GABRB1: variants seen among roughly 807,000 people sequenced by gnomAD.
GABRB1 encodes gamma-aminobutyric acid receptor subunit beta-1.
GABRB1 carries 17 observed loss-of-function variants against 51.6 expected under a neutral mutation model. The observed-to-expected ratio is 0.33, with a 90% CI of 0.23 to 0.49. The LOEUF is 0.49. Ranked by LOEUF, GABRB1 falls within the 20% of genes least tolerant of loss-of-function variation. GABRB1 has a pLI of 0.99. For synonymous variants in GABRB1, 247 were observed against 218.9 expected (o/e 1.13, Z -1.14); for missense variants, 410 against 600.6 (o/e 0.68, Z 3.32).
intron 4 of GABRB1, among the ~76,000 whole-genome samples, chr4:47,218,405 A>C (rs1720636972): frequency 6.6e-6 from 1 of 151,400 alleles, no homozygotes. Flanking sequence ...TTTTTGAGAA[A>C]CCTCCATAGT....
At chr4:47,113,067 C>A (rs1715300408) in intron 3 of GABRB1, among the ~76,000 whole-genome samples, 1 of 151,932 alleles carries the variant, frequency 6.6e-6, no homozygotes, top group African/African-American at 2.4e-5. Context: ...TTCCCTACCC[C>A]AAAAATGCTG....
chr4:47,293,715 C>A (rs1480623818), intron 4 of GABRB1, among the ~76,000 whole-genome samples: 1 of 151,988 alleles, frequency 6.6e-6, no homozygotes, highest in East Asian at 1.9e-4. Context: ...TTAGGATAAA[C>A]CTTTTTTATT....
intron 5 of GABRB1, among the ~76,000 whole-genome samples, chr4:47,350,350 C>T (rs1180355505): frequency 1.4e-5 from 2 of 147,962 alleles, no homozygotes; most frequent in Non-Finnish European, 3.0e-5. Context: ...TTTATGTGTA[C>T]AATTTTAATA....
intron 4 of GABRB1, among the ~76,000 whole-genome samples, chr4:47,223,904 A>C (rs1239675347): frequency 1.3e-5 from 2 of 152,132 alleles, no homozygotes; most frequent in African/African-American, 4.8e-5. Context: ...AACCATGAGA[A>C]GTTTCTCATA....
intron 4 of GABRB1, among the ~76,000 whole-genome samples, chr4:47,291,348 C>G (rs1218675998): frequency 1.3e-5 from 2 of 152,200 alleles, no homozygotes; most frequent in Non-Finnish European, 2.9e-5. Context: ...CCTGGATGCC[C>G]AGGCAGAAGT....
At chr4:47,409,987 T>G (rs185094579) in intron 8 of GABRB1, among the ~76,000 whole-genome samples, 2 of 152,350 alleles carry the variant, frequency 1.3e-5, no homozygotes, top group Admixed American at 6.5e-5. Context: ...CCCATTTGAC[T>G]GACCTTTATT....
chr4:47,019,118 C>T (rs1198754606), intron 1 of GABRB1, among the ~76,000 whole-genome samples: 1 of 152,184 alleles, frequency 6.6e-6, no homozygotes, highest in African/African-American at 2.4e-5. Context: ...CACTAAGCAA[C>T]CGCATTGAAA....
At chr4:47,390,680 G>A (rs1354141776) in intron 5 of GABRB1, among the ~76,000 whole-genome samples, 1 of 152,186 alleles carries the variant, frequency 6.6e-6, no homozygotes, top group Non-Finnish European at 1.5e-5. Flanking sequence ...GTTCAGCTCT[G>A]AGATACTGTG....
At chr4:47,008,629 ATTTTTT>A (rs71193894) in intron 1 of GABRB1, among the ~76,000 whole-genome samples, 15 of 117,488 alleles carry the variant, frequency 1.3e-4, no homozygotes, top group African/African-American at 2.0e-4. Context: ...CACCCAGCTA[ATTTTTT>A]TTTTTTTTTT....
intron 4 of GABRB1, among the ~76,000 whole-genome samples, chr4:47,233,534 A>T (rs993461544): frequency 6.6e-6 from 1 of 152,140 alleles, no homozygotes; most frequent in African/African-American, 2.4e-5. Flanking sequence ...CATTACATAT[A>T]TGATTCTCAA....
chr4:47,357,375 T>A (rs1726624486), intron 5 of GABRB1, among the ~76,000 whole-genome samples: 1 of 152,182 alleles, frequency 6.6e-6, no homozygotes. Flanking sequence ...GATGTCAACA[T>A]CCATCTACAT....
chr4:47,169,094 T>C (rs947594388), intron 4 of GABRB1, among the ~76,000 whole-genome samples: 2 of 152,080 alleles, frequency 1.3e-5, no homozygotes, highest in Admixed American at 1.3e-4. Context: ...GTCACGGAGG[T>C]TTAGGACTTC....
chr4:47,139,937 T>C (rs114159048), intron 3 of GABRB1, among the ~76,000 whole-genome samples: 174 of 152,026 alleles, frequency 1.1e-3, no homozygotes, highest in African/African-American at 4.1e-3. Context: ...AAAGTACATA[T>C]AATTTAAAAG....
chr4:47,268,530 T>C (rs1722728765), intron 4 of GABRB1, among the ~76,000 whole-genome samples: 1 of 152,162 alleles, frequency 6.6e-6, no homozygotes, highest in South Asian at 2.1e-4. Context: ...AATAATTCAT[T>C]TGTAGAAGGT....
At chr4:47,120,259 C>G (rs1312812125) in intron 3 of GABRB1, among the ~76,000 whole-genome samples, 1 of 152,086 alleles carries the variant, frequency 6.6e-6, no homozygotes, top group Non-Finnish European at 1.5e-5. Context: ...ATTATTAGAG[C>G]TAAAGAGAGA....
intron 4 of GABRB1, among the ~76,000 whole-genome samples, chr4:47,273,790 T>A (rs1456767465): frequency 6.6e-6 from 1 of 151,744 alleles, no homozygotes; most frequent in South Asian, 2.1e-4. Context: ...ATCTGTCAGT[T>A]ATTATTTTAT....
chr4:47,142,613 C>T (rs886844676), intron 3 of GABRB1, among the ~76,000 whole-genome samples: 1 of 151,826 alleles, frequency 6.6e-6, no homozygotes, highest in African/African-American at 2.4e-5. Context: ...GAATTGAAGG[C>T]AGACAAATTA....
intron 4 of GABRB1, among the ~76,000 whole-genome samples, chr4:47,270,942 T>A (rs1030419464): frequency 6.6e-6 from 1 of 152,220 alleles, no homozygotes; most frequent in African/African-American, 2.4e-5. Flanking sequence ...TTTTAGTTTG[T>A]GCTATTAGTA....
intron 5 of GABRB1, among the ~76,000 whole-genome samples, chr4:47,339,541 ATGTG>A (rs34390361): frequency 0.041 from 6,088 of 148,210 alleles, 401 homozygotes; most frequent in African/African-American, 0.14. Flanking sequence ...ATGTGTGCAT[ATGTG>A]TGTGTGTGTG....
Sources: allele counts gnomAD v4.1 joint callset (sites outside exome capture counted in the v4.1 genomes callset), GRCh38; gene constraint gnomAD v4.1.1; transcripts MANE v1.5; gene names NCBI Gene and HGNC (gene_info 2026-07-23, HGNC 2026-07-21).